The following CNTN5 variants were observed in gnomAD, a reference collection of about 807,000 sequenced individuals.
CNTN5 encodes contactin 5.
In CNTN5, 77 loss-of-function variants were observed where a neutral mutation model predicts 129.1. The ratio of observed to expected loss-of-function variants is 0.60; its 90% CI spans 0.50 to 0.72. The LOEUF is 0.72. Ranked by LOEUF, CNTN5 falls within the 30% of genes least tolerant of loss-of-function variation. CNTN5 has a pLI of 0.00. For synonymous variants in CNTN5, 509 were observed against 465.6 expected (o/e 1.09, Z -1.20); for missense variants, 1,478 against 1,328.8 (o/e 1.11, Z -1.75).
At chr11:99,444,905 G>A (rs1943998469) in intron 2 of CNTN5, among the ~76,000 whole-genome samples, 1 of 151,516 alleles carries the variant, frequency 6.6e-6, no homozygotes, top group South Asian at 2.1e-4. Flanking sequence ...TACAGTTTTT[G>A]TTTTAAATTT....
intron 21 of CNTN5, chr11:100,309,404 T>A: frequency 3.1e-6 from 3 of 969,672 alleles, no homozygotes; most frequent in Non-Finnish European, 3.7e-6. Flanking sequence ...CATTAAATAA[T>A]GATTTCTATG....
rs536426099 is a variant in CNTN5 at position 99,685,277 on chromosome 11, G to A, written c.55+129008G>A. On this transcript the variant is annotated intron_variant, in intron 3 of 24. Coordinates refer to ENST00000524871, the MANE Select transcript of CNTN5 (RefSeq NM_014361.4). ...TACATTGTTTTAATCTATTGTTATC[G>A]AGAATATGGAAAATTTTAGTAAATA... Among the ~76,000 whole-genome samples, 13 of 151,542 alleles carry A rather than the reference G, an allele frequency of 8.6e-5. No homozygotes were observed. In the South Asian group the frequency reaches 1.0e-3, roughly 12 times the overall value.
At chr11:99,266,832 A>G (rs996245218) in intron 1 of CNTN5, among the ~76,000 whole-genome samples, 2 of 152,068 alleles carry the variant, frequency 1.3e-5, no homozygotes, top group African/African-American at 4.8e-5. Flanking sequence ...GGATGATGGG[A>G]GAAGCCATTT....
At chr11:99,965,140 T>C (rs1591492852) in intron 8 of CNTN5, among the ~76,000 whole-genome samples, 2 of 152,208 alleles carry the variant, frequency 1.3e-5, no homozygotes, top group African/African-American at 2.4e-5. Context: ...TTTTGAACGG[T>C]TTTTTGTGTC....
intron 13 of CNTN5, among the ~76,000 whole-genome samples, chr11:100,157,081 T>C (rs559336959): frequency 6.6e-6 from 1 of 152,148 alleles, no homozygotes; most frequent in South Asian, 2.1e-4. Context: ...TTAATTGTGA[T>C]ATTAGGGTGT....
At chr11:100,290,195 A>G (rs1007690000) in intron 18 of CNTN5, among the ~76,000 whole-genome samples, 5 of 151,686 alleles carry the variant, frequency 3.3e-5, no homozygotes, top group African/African-American at 9.7e-5. Context: ...GGTAATTTAC[A>G]GATTCAATGC....
chr11:100,053,915 T>C (rs1442310770), intron 9 of CNTN5, among the ~76,000 whole-genome samples: 1 of 151,706 alleles, frequency 6.6e-6, no homozygotes, highest in African/African-American at 2.4e-5. Flanking sequence ...ACAACTTAAA[T>C]GAATCTTATA....
chr11:99,522,319 A>G (rs1180780189), intron 2 of CNTN5, among the ~76,000 whole-genome samples: 1 of 152,162 alleles, frequency 6.6e-6, no homozygotes, highest in African/African-American at 2.4e-5. Flanking sequence ...ATTTTTACCA[A>G]ATTACTGAAT....
At chr11:99,750,529 G>C (rs970284082) in intron 3 of CNTN5, among the ~76,000 whole-genome samples, 28 of 146,038 alleles carry the variant, frequency 1.9e-4, no homozygotes, top group Non-Finnish European at 1.0e-4. Context: ...TGAGAGCTAA[G>C]ATAGAAGAGT....
Position 99,195,552 on chromosome 11 carries a change from T to G in CNTN5, c.-209-129794T>G, listed in dbSNP as rs185438918. 4.4e-3 allele frequency among the ~76,000 whole-genome samples: 668 copies of G among 152,184 alleles called. 6 individuals are homozygous for G. The highest frequency in any genetic ancestry group is 0.014 in the African/African-American group (571 of 41,556). On this transcript the variant is annotated intron_variant, in intron 1 of 24. Coordinates refer to ENST00000524871, the MANE Select transcript of CNTN5 (RefSeq NM_014361.4). Reference sequence around the variant, plus strand: ...AGAGTGTATTTTATAATCAATTGTGTTTTCCTGATATCTAGTAAGGGTTGA... The same window carrying G: ...AGAGTGTATTTTATAATCAATTGTGGTTTCCTGATATCTAGTAAGGGTTGA...
At chr11:99,389,317 C>T (rs1379575682) in intron 2 of CNTN5, among the ~76,000 whole-genome samples, 4 of 151,952 alleles carry the variant, frequency 2.6e-5, no homozygotes, top group Admixed American at 6.6e-5. Context: ...CGTGAGCCAC[C>T]GTGCCTGGCC....
In CNTN5 at chr11:100,151,408, G is replaced by GA. The variant is rs1447680287; in HGVS notation, c.1581-39717dup. On this transcript the variant is annotated intron_variant, in intron 13 of 24. Coordinates refer to ENST00000524871, the MANE Select transcript of CNTN5 (RefSeq NM_014361.4). ...TAGTGTATGCGTGAAGGGGTAGGGG[G>GA]AGACAGACAGTTGCCAAAATGAGAG... Among the ~76,000 whole-genome samples the GA allele has an allele frequency of 2.0e-5, 3 of 151,946 alleles. No homozygotes were observed. The East Asian group carries it at 5.8e-4, about 29-fold the overall frequency.
intron 1 of CNTN5, among the ~76,000 whole-genome samples, chr11:99,324,860 C>A (rs1481182733): frequency 6.6e-6 from 1 of 152,160 alleles, no homozygotes; most frequent in Non-Finnish European, 1.5e-5. Context: ...CCAGGATGGT[C>A]TCGATCTCCT....
intron 18 of CNTN5, among the ~76,000 whole-genome samples, chr11:100,289,153 G>T (rs1950883548): frequency 6.6e-6 from 1 of 151,638 alleles, no homozygotes; most frequent in Admixed American, 6.6e-5. Flanking sequence ...GGACCAGATG[G>T]ATTCACAGCC....
At chr11:100,034,817 C>T (rs1327303689) in intron 9 of CNTN5, among the ~76,000 whole-genome samples, 1 of 152,182 alleles carries the variant, frequency 6.6e-6, no homozygotes. Flanking sequence ...CATTCACCTG[C>T]TTAAAACACT....
chr11:100,286,121 G>A (rs554877784), intron 18 of CNTN5, among the ~76,000 whole-genome samples: 161 of 152,170 alleles, frequency 1.1e-3, no homozygotes, highest in Non-Finnish European at 1.5e-3. Context: ...ACGGAGTCTC[G>A]CTGATTGCTA....
At chr11:99,855,278 G>A (rs1269005592) in intron 6 of CNTN5, among the ~76,000 whole-genome samples, 1 of 152,126 alleles carries the variant, frequency 6.6e-6, no homozygotes, top group Non-Finnish European at 1.5e-5. Flanking sequence ...ACTGTAGCCT[G>A]TGCAGTAGAG....
intron 16 of CNTN5, among the ~76,000 whole-genome samples, chr11:100,236,345 G>A (rs1000022484): frequency 6.6e-6 from 1 of 150,822 alleles, no homozygotes; most frequent in Admixed American, 6.7e-5. Flanking sequence ...CGCTGGCATT[G>A]CCCCAGTTTG....
intron 1 of CNTN5, among the ~76,000 whole-genome samples, chr11:99,176,936 C>T (rs1190662916): frequency 6.6e-6 from 1 of 152,056 alleles, no homozygotes; most frequent in African/African-American, 2.4e-5. Context: ...TGATCTTGGC[C>T]CTTGTTTTTA....
Sources: allele counts gnomAD v4.1 joint callset (sites outside exome capture counted in the v4.1 genomes callset), GRCh38; gene constraint gnomAD v4.1.1; transcripts MANE v1.5; gene names NCBI Gene and HGNC (gene_info 2026-07-23, HGNC 2026-07-21).